The following BLTP3B variants were observed in gnomAD, a reference collection of about 807,000 sequenced individuals.
BLTP3B encodes bridge-like lipid transfer protein family member 3B.
At chr12:100,112,472 A>C in the BLTP3B span, among the ~76,000 whole-genome samples, 1 of 152,158 alleles carries the variant, frequency 6.6e-6, no homozygotes, top group South Asian at 2.1e-4. Context: ...TTGCCACTGC[A>C]CTCCAGCCTG....
At chr12:100,105,212 G>A in the BLTP3B span, among the ~76,000 whole-genome samples, 2 of 151,946 alleles carry the variant, frequency 1.3e-5, no homozygotes, top group Non-Finnish European at 2.9e-5. Flanking sequence ...CAAAACTGGA[G>A]GCATCACATT....
the BLTP3B span, among the ~76,000 whole-genome samples, chr12:100,130,985 GAGAGAGAGAGAGAGA>G: frequency 1.4e-4 from 8 of 57,972 alleles, no homozygotes; most frequent in Non-Finnish European, 2.0e-4. Flanking sequence ...GAGGGAGGGA[GAGAGAGAGAGAGAGA>G]GAGAGAGAGA....
At chr12:100,066,901 G>T in the BLTP3B span, among the ~76,000 whole-genome samples, 1 of 151,540 alleles carries the variant, frequency 6.6e-6, no homozygotes, top group African/African-American at 2.4e-5. Context: ...ATTCAACAGA[G>T]CATGGAACTT....
the BLTP3B span, among the ~76,000 whole-genome samples, chr12:100,074,032 A>C: frequency 6.6e-6 from 1 of 152,186 alleles, no homozygotes; most frequent in Non-Finnish European, 1.5e-5. Context: ...CAATCAGGCA[A>C]GAGAAAGAAA....
the BLTP3B span, among the ~76,000 whole-genome samples, chr12:100,105,435 T>G: frequency 3.3e-5 from 5 of 151,904 alleles, no homozygotes; most frequent in Admixed American, 2.6e-4. Flanking sequence ...AAACACAAAC[T>G]GGAGAAAGGA....
the BLTP3B span, among the ~76,000 whole-genome samples, chr12:100,129,167 G>A: frequency 6.6e-6 from 1 of 151,590 alleles, no homozygotes; most frequent in African/African-American, 2.4e-5. Context: ...TCATTTCACC[G>A]AGAATACTGA....
At chr12:100,134,056 C>T in the BLTP3B span, among the ~76,000 whole-genome samples, 2 of 152,136 alleles carry the variant, frequency 1.3e-5, no homozygotes, top group South Asian at 4.1e-4. Flanking sequence ...TCTGCAGTTT[C>T]AGGCATCCAC....
At chr12:100,048,713 A>T in the BLTP3B span, among the ~76,000 whole-genome samples, 1 of 141,024 alleles carries the variant, frequency 7.1e-6, no homozygotes, top group Non-Finnish European at 1.5e-5. Context: ...CAAACCAAAA[A>T]CTGAAATTAT....
At chr12:100,141,909 G>C in the BLTP3B span, among the ~76,000 whole-genome samples, 1 of 150,308 alleles carries the variant, frequency 6.7e-6, no homozygotes, top group African/African-American at 2.4e-5. Context: ...AGTTGCAGAG[G>C]AAAAAGAGCA....
the BLTP3B span, among the ~76,000 whole-genome samples, chr12:100,120,841 T>C: frequency 6.6e-6 from 1 of 152,186 alleles, no homozygotes; most frequent in Non-Finnish European, 1.5e-5. Context: ...CGAAGATTTA[T>C]ACACGAATGT....
the BLTP3B span, among the ~76,000 whole-genome samples, chr12:100,105,301 G>C: frequency 6.6e-6 from 1 of 152,026 alleles, no homozygotes; most frequent in Non-Finnish European, 1.5e-5. Context: ...TGGACCAATG[G>C]AACAGAATAA....
the BLTP3B span, chr12:100,037,381 C>CTATTGTG: frequency 8.7e-7 from 1 of 1,150,170 alleles, no homozygotes; most frequent in African/African-American, 1.6e-5. Context: ...TTATTTTACA[C>CTATTGTG]TATGTGTTGA....
chr12:100,099,828 T>G, the BLTP3B span, among the ~76,000 whole-genome samples: 3 of 151,182 alleles, frequency 2.0e-5, no homozygotes, highest in South Asian at 2.1e-4. Flanking sequence ...CTTGGGAAGC[T>G]GAGGTGGGAG....
At chr12:100,053,363 ACACCACCG>A in the BLTP3B span, among the ~76,000 whole-genome samples, 2 of 151,960 alleles carry the variant, frequency 1.3e-5, no homozygotes, top group Admixed American at 6.6e-5. Flanking sequence ...AGCTGAAATC[ACACCACCG>A]CACTCCAACC....
At chr12:100,081,603 T>C in the BLTP3B span, among the ~76,000 whole-genome samples, 4 of 152,158 alleles carry the variant, frequency 2.6e-5, no homozygotes, top group African/African-American at 9.7e-5. Flanking sequence ...ATGTCTTCTG[T>C]TTCCCTCTTT....
the BLTP3B span, among the ~76,000 whole-genome samples, chr12:100,090,704 A>C: frequency 9.2e-5 from 14 of 152,152 alleles, no homozygotes; most frequent in Non-Finnish European, 1.8e-4. Flanking sequence ...TATAGCTGTA[A>C]AACGTTAAAT....
chr12:100,130,982 G>GGAGAGA, the BLTP3B span, among the ~76,000 whole-genome samples: 1,740 of 61,672 alleles, frequency 0.028, 121 homozygotes, highest in East Asian at 0.046. Context: ...AGAGAGGGAG[G>GGAGAGA]GAGAGAGAGA....
chr12:100,121,932 C>CTA, the BLTP3B span, among the ~76,000 whole-genome samples: 2 of 151,544 alleles, frequency 1.3e-5, no homozygotes, highest in East Asian at 2.0e-4. Context: ...TATATACATA[C>CTA]TATATATATA....
At chr12:100,109,787 T>C in the BLTP3B span, among the ~76,000 whole-genome samples, 2,064 of 151,086 alleles carry the variant, frequency 0.014, 19 homozygotes, top group Non-Finnish European at 0.021. Flanking sequence ...AAAAAAAAGA[T>C]TGGAAATAGT....
Sources: gnomAD v4.1 joint callset for allele counts (sites outside exome capture counted in the v4.1 genomes callset) on GRCh38, gnomAD v4.1.1 for gene constraint, MANE v1.5 for transcripts, NCBI Gene and HGNC (gene_info 2026-07-23, HGNC 2026-07-21) for gene names.